Variants in RIMS2 observed in about 807,000 individuals in gnomAD.
The protein encoded by RIMS2 is regulating synaptic membrane exocytosis 2.
A neutral mutation model predicts 174.4 loss-of-function variants in RIMS2; 59 were observed. The observed-to-expected ratio is 0.34, with a 90% confidence interval of 0.27 to 0.42. RIMS2 has a LOEUF of 0.42. RIMS2 is among the 10% of genes least tolerant of loss of function. The pLI is 1.00. For synonymous variants in RIMS2, 606 were observed against 572.5 expected, an observed-to-expected ratio of 1.06 and a Z score of -0.84; for missense variants, 1,620 against 1,666.3, an observed-to-expected ratio of 0.97 and a Z score of 0.48.
At chr8:103,594,834 C>T (rs914145888) in intron 1 of RIMS2, among the ~76,000 whole-genome samples, 1 of 151,824 alleles carries the variant, frequency 6.6e-6, no homozygotes, top group African/African-American at 2.4e-5. Context: ...CCTTCATTTA[C>T]AATATATAAG....
intron 1 of RIMS2, among the ~76,000 whole-genome samples, chr8:103,509,606 T>C (rs1825466701): frequency 6.6e-6 from 1 of 152,112 alleles, no homozygotes; most frequent in African/African-American, 2.4e-5. Flanking sequence ...TATTGCAGAA[T>C]TTCAGAAAGT....
chr8:103,666,567 C>T (rs1478222284), intron 1 of RIMS2, among the ~76,000 whole-genome samples: 1 of 152,088 alleles, frequency 6.6e-6, no homozygotes, highest in Non-Finnish European at 1.5e-5. Flanking sequence ...GAGGAGACTT[C>T]CTTATTATGC....
At chr8:104,070,261 C>T (rs961418842) in intron 19 of RIMS2, among the ~76,000 whole-genome samples, 4 of 152,140 alleles carry the variant, frequency 2.6e-5, no homozygotes, top group African/African-American at 9.7e-5. Context: ...TACATTATTA[C>T]CAACATGGTG....
At chr8:104,006,660 C>T (rs1390364971) in intron 17 of RIMS2, among the ~76,000 whole-genome samples, 1 of 146,158 alleles carries the variant, frequency 6.8e-6, no homozygotes, top group East Asian at 1.9e-4. Flanking sequence ...CTCTCTCTCT[C>T]TCTCTCTCTG....
At chr8:104,241,860 A>G (rs910519960) in intron 19 of RIMS2, among the ~76,000 whole-genome samples, 1 of 152,112 alleles carries the variant, frequency 6.6e-6, no homozygotes, top group Non-Finnish European at 1.5e-5. Context: ...CCTGAGTTCA[A>G]GTGATTCTCT....
chr8:103,568,967 C>T, intron 1 of RIMS2: 1 of 648,476 alleles, frequency 1.5e-6, no homozygotes, highest in South Asian at 1.6e-5. Context: ...CTTACAGCTG[C>T]ATGAGCTGAT....
At chr8:103,703,483 CCATT>C (rs2097191244) in intron 2 of RIMS2, among the ~76,000 whole-genome samples, 1 of 152,054 alleles carries the variant, frequency 6.6e-6, no homozygotes, top group African/African-American at 2.4e-5. Context: ...AGTGATCCAC[CCATT>C]CAGACTCCCA....
chr8:104,045,442 T>A (rs1325137346), intron 19 of RIMS2, among the ~76,000 whole-genome samples: 5 of 151,896 alleles, frequency 3.3e-5, no homozygotes, highest in Non-Finnish European at 5.9e-5. Flanking sequence ...GACAATTTTT[T>A]AAAATAATTG....
chr8:104,013,504 T>C (rs775040865), exon 18 of RIMS2: 15 of 1,613,864 alleles, frequency 9.3e-6, no homozygotes, highest in Non-Finnish European at 1.3e-5. Flanking sequence ...CAACGGCCTC[T>C]CCTTGAGCGG....
chr8:103,531,321 T>C (rs1055906852), intron 1 of RIMS2, among the ~76,000 whole-genome samples: 5 of 152,168 alleles, frequency 3.3e-5, no homozygotes, highest in African/African-American at 7.2e-5. Flanking sequence ...CATTCTCTGA[T>C]CACCATGCTG....
chr8:104,145,385 T>C (rs1035463893), intron 19 of RIMS2, among the ~76,000 whole-genome samples: 5 of 152,158 alleles, frequency 3.3e-5, no homozygotes, highest in South Asian at 2.1e-4. Context: ...AAATTACTAA[T>C]GTAATACGTC....
At chr8:103,866,205 T>C (rs978326104) in intron 3 of RIMS2, among the ~76,000 whole-genome samples, 10 of 152,174 alleles carry the variant, frequency 6.6e-5, no homozygotes, top group African/African-American at 2.2e-4. Context: ...TAGCACTTTT[T>C]GTGAACAGGG....
chr8:104,115,303 A>C lies in RIMS2; in HGVS notation c.3334+100688A>C, dbSNP rs548792877. Among the ~76,000 whole-genome samples, 3 of 152,248 alleles carry C rather than the reference A, an allele frequency of 2.0e-5. No individual in the cohort carries two copies. In the East Asian group the frequency reaches 5.8e-4, roughly 29 times the overall value. On this transcript the variant is annotated intron_variant, in intron 19 of 23. Coordinates refer to ENST00000504942, the Ensembl canonical transcript of RIMS2. Reference sequence around the variant, plus strand: ...ATAGCATGCTTGATGTCTTTACTGAATCATTAAATATTTATGGTTCTAGTA... The same window carrying C: ...ATAGCATGCTTGATGTCTTTACTGACTCATTAAATATTTATGGTTCTAGTA...
intron 14 of RIMS2, among the ~76,000 whole-genome samples, chr8:103,952,912 A>G (rs1274803488): frequency 6.6e-6 from 1 of 152,216 alleles, no homozygotes; most frequent in Non-Finnish European, 1.5e-5. Flanking sequence ...TTTAGAGAAG[A>G]ACATAAATGA....
intron 19 of RIMS2, among the ~76,000 whole-genome samples, chr8:104,018,332 T>C (rs1434934257): frequency 1.3e-5 from 2 of 152,178 alleles, no homozygotes; most frequent in African/African-American, 4.8e-5. Flanking sequence ...AATATGACTT[T>C]ACAATTTTAC....
At chr8:103,854,545 T>G (rs1482365097) in intron 3 of RIMS2, among the ~76,000 whole-genome samples, 2 of 151,892 alleles carry the variant, frequency 1.3e-5, no homozygotes, top group East Asian at 3.9e-4. Context: ...GTTGCCTAGT[T>G]TGTTGAGGGT....
chr8:103,769,012 G>T, intron 3 of RIMS2: 1 of 319,486 alleles, frequency 3.1e-6, no homozygotes, highest in South Asian at 3.7e-5. Flanking sequence ...TTCTAAGTCT[G>T]AATCCAGTCA....
intron 19 of RIMS2, among the ~76,000 whole-genome samples, chr8:104,102,502 A>C (rs2097921627): frequency 6.6e-6 from 1 of 152,222 alleles, no homozygotes; most frequent in Non-Finnish European, 1.5e-5. Context: ...TTTAATAGGA[A>C]ATTCTTATCT....
chr8:104,031,377 C>T (rs946740463), intron 19 of RIMS2, among the ~76,000 whole-genome samples: 1 of 151,796 alleles, frequency 6.6e-6, no homozygotes, highest in Non-Finnish European at 1.5e-5. Flanking sequence ...TAAGAAAAGA[C>T]CTTGTCAAAC....
Sources: gnomAD v4.1 joint callset for allele counts (sites outside exome capture counted in the v4.1 genomes callset) on GRCh38, gnomAD v4.1.1 for gene constraint, MANE v1.5 for transcripts, NCBI Gene and HGNC (gene_info 2026-07-23, HGNC 2026-07-21) for gene names.